The following CNBD1 variants were observed in gnomAD, a reference collection of about 807,000 sequenced individuals.
CNBD1 encodes the protein cyclic nucleotide binding domain containing 1.
CNBD1 carries 71 observed loss-of-function variants against 54.4 expected under a neutral mutation model. That is an observed-to-expected ratio of 1.30 (90% CI 1.08 to 1.59). The LOEUF (loss-of-function observed/expected upper bound fraction) is 1.59. CNBD1 is among the 40% of genes most tolerant of loss of function. CNBD1 has a pLI of 0.00. For synonymous variants in CNBD1, 182 were observed against 170.7 expected (o/e 1.07, Z -0.51); for missense variants, 659 against 518.0 (o/e 1.27, Z -2.64).
chr8:87,189,057 C>CTAAG (rs1327447485), intron 4 of CNBD1, among the ~76,000 whole-genome samples: 1 of 151,710 alleles, frequency 6.6e-6, no homozygotes, highest in Non-Finnish European at 1.5e-5. Flanking sequence ...CTTCAAATGT[C>CTAAG]TAAGTACAAA....
intron 4 of CNBD1, among the ~76,000 whole-genome samples, chr8:87,015,246 G>A (rs369892800): frequency 6.6e-6 from 1 of 152,126 alleles, no homozygotes; most frequent in African/African-American, 2.4e-5. Flanking sequence ...GCAGTGGCAC[G>A]ATCTTGGCTC....
intron 8 of CNBD1, among the ~76,000 whole-genome samples, chr8:87,318,577 A>C (rs1442775625): frequency 6.6e-6 from 1 of 152,082 alleles, no homozygotes. Flanking sequence ...TGCTTTCCTC[A>C]CATGCAAGGA....
chr8:87,286,824 A>G (rs1808709395), intron 8 of CNBD1, among the ~76,000 whole-genome samples, 153 bp downstream of exon 8: 1 of 152,038 alleles, frequency 6.6e-6, no homozygotes, highest in African/African-American at 2.4e-5. Context: ...CATTTAGATT[A>G]TTTCCTGCTT....
At chr8:87,399,383 C>T (rs1811460430) in intron 2 of CNBD1, among the ~76,000 whole-genome samples, 1 of 151,944 alleles carries the variant, frequency 6.6e-6, no homozygotes, top group Non-Finnish European at 1.5e-5. Context: ...CTCTGTTCTC[C>T]CCAACACCAC....
At chr8:87,033,665 A>G (rs574845554) in intron 4 of CNBD1, among the ~76,000 whole-genome samples, 2 of 152,156 alleles carry the variant, frequency 1.3e-5, no homozygotes, top group South Asian at 4.1e-4. Context: ...TAATAAATAT[A>G]CTTTCTGACA....
At chr8:87,322,374 G>A (rs1397100190) in intron 8 of CNBD1, among the ~76,000 whole-genome samples, 16 of 118,526 alleles carry the variant, frequency 1.3e-4, no homozygotes, top group African/African-American at 1.9e-4. Flanking sequence ...CTGAGGAATC[G>A]CCACACTGAC....
intron 4 of CNBD1, among the ~76,000 whole-genome samples, chr8:87,164,434 T>G (rs1446070961): frequency 1.3e-5 from 2 of 151,792 alleles, no homozygotes; most frequent in African/African-American, 2.4e-5. Context: ...TTTTCCTTTT[T>G]GTTGGGAGGT....
chr8:86,933,979 A>G (rs934957231), intron 3 of CNBD1, among the ~76,000 whole-genome samples: 1 of 152,158 alleles, frequency 6.6e-6, no homozygotes, highest in Non-Finnish European at 1.5e-5. Context: ...TAGTCTATTC[A>G]TATATTGTAC....
intron 4 of CNBD1, among the ~76,000 whole-genome samples, chr8:87,055,172 G>A (rs1029925623): frequency 2.0e-5 from 3 of 152,190 alleles, no homozygotes; most frequent in African/African-American, 7.2e-5. Flanking sequence ...ACACAAGGGT[G>A]AGGTTAGAAC....
chr8:87,109,634 G>C (rs930649753), intron 4 of CNBD1, among the ~76,000 whole-genome samples: 5 of 150,578 alleles, frequency 3.3e-5, no homozygotes, highest in African/African-American at 1.2e-4. Flanking sequence ...CGCCTCCTGG[G>C]TTCACGCCAT....
At chr8:87,264,590 G>A (rs190589469) in intron 6 of CNBD1, among the ~76,000 whole-genome samples, 51 of 152,232 alleles carry the variant, frequency 3.4e-4, no homozygotes, top group African/African-American at 1.2e-3. Context: ...TTCCACAATG[G>A]TTGAACTAGT....
intron 4 of CNBD1, among the ~76,000 whole-genome samples, chr8:87,155,549 G>A (rs978372405): frequency 8.5e-5 from 13 of 152,176 alleles, no homozygotes; most frequent in African/African-American, 3.1e-4. Flanking sequence ...TTAGGAGACT[G>A]ATTAGATGTA....
At chr8:86,924,892 T>C (rs769782387) in intron 3 of CNBD1, among the ~76,000 whole-genome samples, 21 of 152,318 alleles carry the variant, frequency 1.4e-4, no homozygotes, top group Non-Finnish European at 2.4e-4. Context: ...AATGTATTGC[T>C]ACTTTAGCCT....
At chr8:87,006,332 A>C (rs1809097083) in intron 4 of CNBD1, among the ~76,000 whole-genome samples, 1 of 152,176 alleles carries the variant, frequency 6.6e-6, no homozygotes, top group South Asian at 2.1e-4. Flanking sequence ...ACTTGCCCCA[A>C]TTTCCTATAA....
intron 10 of CNBD1, among the ~76,000 whole-genome samples, chr8:87,371,543 A>C (rs1331819598): frequency 6.6e-6 from 1 of 152,002 alleles, no homozygotes; most frequent in Non-Finnish European, 1.5e-5. Flanking sequence ...AAAAAAGAGA[A>C]TTTTAGACCA....
downstream of CNBD1, among the ~76,000 whole-genome samples, chr8:87,385,113 G>A (rs190821105): frequency 1.8e-3 from 273 of 152,158 alleles, 1 homozygote; most frequent in Middle Eastern, 0.014. Context: ...GCATTAAAAA[G>A]TCCATGTAAA....
Position 87,120,540 on chromosome 8 carries a change from G to A in CNBD1, c.432-85453G>A, listed in dbSNP as rs569070842. Among the ~76,000 whole-genome samples, 161 of 151,804 alleles carry A rather than the reference G, an allele frequency of 1.1e-3. 2 individuals carry two copies. In the South Asian group the frequency reaches 0.02, roughly 18 times the overall value. ...TTTTTATTTTCTTGAGTATTGATTT[G>A]TAGTCTATTTTGTTCAGTTTTGCTC... On this transcript the variant is annotated intron_variant, in intron 4 of 10. Coordinates refer to ENST00000518476, the MANE Select transcript of CNBD1 (RefSeq NM_173538.3).
chr8:87,203,431 C>T (rs1280774711), intron 4 of CNBD1, among the ~76,000 whole-genome samples: 3 of 152,190 alleles, frequency 2.0e-5, no homozygotes, highest in South Asian at 2.1e-4. Context: ...AAAATTTGGC[C>T]ATTTGATATG....
chr8:87,027,465 T>A (rs1203614744), intron 4 of CNBD1, among the ~76,000 whole-genome samples: 2 of 152,030 alleles, frequency 1.3e-5, no homozygotes, highest in Non-Finnish European at 2.9e-5. Context: ...AGAGATGGGG[T>A]TTCACCATGT....
Sources: allele counts gnomAD v4.1 joint callset (sites outside exome capture counted in the v4.1 genomes callset), GRCh38; gene constraint gnomAD v4.1.1; transcripts MANE v1.5; gene names NCBI Gene and HGNC (gene_info 2026-07-23, HGNC 2026-07-21).